CEACAM21: variants seen among roughly 807,000 people sequenced by gnomAD.
CEACAM21 encodes CEA cell adhesion molecule 21, also known as cell adhesion molecule CEACAM21.
A neutral mutation model predicts 33.2 loss-of-function variants in CEACAM21; 38 were observed. The observed-to-expected ratio is 1.14, with a 90% CI of 0.88 to 1.50. The LOEUF (loss-of-function observed/expected upper bound fraction) is 1.50. CEACAM21 is among the 40% of genes most tolerant of loss of function. CEACAM21 has a pLI of 0.00. For synonymous variants in CEACAM21, 156 were observed against 143.0 expected (o/e 1.09, Z -0.65); for missense variants, 385 against 364.6 (o/e 1.06, Z -0.46).
intron 2 of CEACAM21, among the ~76,000 whole-genome samples, chr19:41,565,399 T>C (rs1165930232): frequency 6.6e-6 from 1 of 152,166 alleles, no homozygotes; most frequent in East Asian, 1.9e-4. Context: ...GAGCCAGTCC[T>C]TACCCTGAAG....
At chr19:41,576,477 C>T (rs1168813676) in intron 1 of CEACAM21, 139 bp downstream of exon 1, 26 of 891,006 alleles carry the variant, frequency 2.9e-5, no homozygotes, top group Non-Finnish European at 4.1e-5. Context: ...TAAGGAGAAC[C>T]AAAAAATCTA....
At chr19:41,551,540 G>A (rs2041197624) in intron 1 of CEACAM21, 2 of 152,286 alleles carry the variant, frequency 1.3e-5, no homozygotes, top group South Asian at 4.2e-4. Context: ...TCTCAATATG[G>A]AGAGAACCCG....
chr19:41,586,681 C>T lies in CEACAM21; in HGVS notation c.*218C>T, dbSNP rs2070755521. 2.3e-6 allele frequency: 1 copy of T among 442,976 alleles called. No individual in the cohort carries two copies. The highest frequency in any genetic ancestry group is 2.0e-5 in the African/African-American group (1 of 48,912). The allele number at this position is 442,976 out of a possible 1,614,324, so 27.4% of individuals were successfully genotyped here. A position where few individuals can be genotyped will look rare whatever the true frequency, so the allele number is the denominator to read the frequency against. On this transcript the variant is annotated 3_prime_UTR_variant, in exon 7 of 7. Coordinates refer to ENST00000401445, the MANE Select transcript of CEACAM21 (RefSeq NM_001098506.4). ...GGACAGGAAGGGATGGGGGTCCCTG[C>T]TGAATATATAGAGACCTCAACAGAC...
At chr19:41,584,324 T>C (rs1459265561) in intron 3 of CEACAM21, 23 bp from the exon 4 acceptor site, 2 of 1,597,496 alleles carry the variant, frequency 1.3e-6, no homozygotes, top group East Asian at 2.2e-5. Flanking sequence ...TTGGACCTCA[T>C]CCCCTTTGCC....
chr19:41,549,925 C>T (rs1260469096), intron 1 of CEACAM21, among the ~76,000 whole-genome samples: 4 of 152,096 alleles, frequency 2.6e-5, no homozygotes, highest in African/African-American at 9.7e-5. Flanking sequence ...CATGGACTTG[C>T]TTATTTCCTT....
At chr19:41,559,304 C>CAGA (rs1406906168) in intron 1 of CEACAM21, among the ~76,000 whole-genome samples, 3 of 152,130 alleles carry the variant, frequency 2.0e-5, no homozygotes, top group Non-Finnish European at 4.4e-5. Context: ...TTAGAAACAA[C>CAGA]ATTTCAAATA....
chr19:41,577,976 G>A (rs1354407925), intron 2 of CEACAM21, among the ~76,000 whole-genome samples: 1 of 152,182 alleles, frequency 6.6e-6, no homozygotes, highest in Non-Finnish European at 1.5e-5. Context: ...AGATGACCCT[G>A]GGGAGCCTGT....
At chr19:41,560,914 C>A (rs1361805852) in intron 1 of CEACAM21, among the ~76,000 whole-genome samples, 1 of 152,100 alleles carries the variant, frequency 6.6e-6, no homozygotes, top group African/African-American at 2.4e-5. Context: ...TCACCATCCC[C>A]ACTTTATGAG....
chr19:41,563,373 C>T (rs2122181559), intron 1 of CEACAM21, among the ~76,000 whole-genome samples: 1 of 152,340 alleles, frequency 6.6e-6, no homozygotes, highest in East Asian at 1.9e-4. Context: ...CCTGTCTGGG[C>T]TGTTCCTCGG....
chr19:41,566,660 G>A (rs2042284814), intron 2 of CEACAM21, among the ~76,000 whole-genome samples: 1 of 152,178 alleles, frequency 6.6e-6, no homozygotes, highest in South Asian at 2.1e-4. Context: ...TGCTATAACA[G>A]CTTCTGAAAA....
intron 1 of CEACAM21, chr19:41,550,595 AC>A (rs2041147216): frequency 6.6e-6 from 1 of 152,098 alleles, no homozygotes; most frequent in African/African-American, 2.4e-5. Context: ...ATGCGGTGAA[AC>A]CCCATCTCTA....
At chr19:41,557,997 A>G (rs782486354) in intron 1 of CEACAM21, among the ~76,000 whole-genome samples, 10 of 152,210 alleles carry the variant, frequency 6.6e-5, no homozygotes, top group Non-Finnish European at 1.3e-4. Context: ...CCATGCCAAG[A>G]GTTTCGTCTG....
chr19:41,583,073 A>G (rs2043537953), intron 3 of CEACAM21, among the ~76,000 whole-genome samples: 1 of 152,224 alleles, frequency 6.6e-6, no homozygotes, highest in African/African-American at 2.4e-5. Context: ...GAGTGTTTTT[A>G]ACAGTACCCA....
chr19:41,577,469 G>A lies in CEACAM21; in HGVS notation c.334G>A (p.Val112Ile), dbSNP rs782508071. The A allele has an allele frequency of 3.4e-5, 55 of 1,613,232 alleles. No individual in the cohort carries two copies. The South Asian group carries it at 3.5e-4, about 10-fold the overall frequency. Reference protein sequence around the residue: ...SPSGDLHFQNVTLEDTGYYNL... With the variant: ...SPSGDLHFQNITLEDTGYYNL... ...CAGTGGAGATCTGCATTTCCAGAAC[G>A]TCACCCTAGAGGACACGGGATACTA... The change falls in exon 2 of 7, where the codon GTC becomes ATC. Residue 112 changes from valine to isoleucine, a missense_variant. Coordinates refer to ENST00000401445, the MANE Select transcript of CEACAM21 (RefSeq NM_001098506.4).
chr19:41,571,274 T>C (rs1555789452), upstream of CEACAM21, among the ~76,000 whole-genome samples: 1 of 152,242 alleles, frequency 6.6e-6, no homozygotes, highest in African/African-American at 2.4e-5. Context: ...TAGAAACTTA[T>C]ATCTTCAATA....
chr19:41,568,415 G>C lies in CEACAM21; in HGVS notation c.-404+3359G>C, dbSNP rs368744057. On this transcript the variant is annotated intron_variant, in intron 2 of 7. Transcript: ENST00000407170. Reference sequence around the variant, plus strand: ...TTCTTCTAGTAGTTTCATAGTTTCAGTTCTTACATTTAAGTCTTTATTTAA... The same window carrying C: ...TTCTTCTAGTAGTTTCATAGTTTCACTTCTTACATTTAAGTCTTTATTTAA... Among the ~76,000 whole-genome samples the C allele has an allele frequency of 2.6e-5, 4 of 152,192 alleles. 1 individual carries two copies. Among genetic ancestry groups the C allele is most frequent in the African/African-American group, 9.6e-5 (4 of 41,516 alleles).
At chr19:41,580,017 T>C (rs889915672) in intron 3 of CEACAM21, among the ~76,000 whole-genome samples, 1 of 152,218 alleles carries the variant, frequency 6.6e-6, no homozygotes, top group Non-Finnish European at 1.5e-5. Context: ...ACTTTGTTGT[T>C]ATTAGCTGTT....
intron 1 of CEACAM21, among the ~76,000 whole-genome samples, chr19:41,558,344 C>T (rs1458986794): frequency 2.0e-5 from 3 of 152,094 alleles, no homozygotes; most frequent in Non-Finnish European, 4.4e-5. Context: ...TCTATTACAT[C>T]TCCTTATAAT....
chr19:41,575,037 G>A (rs1399292561), upstream of CEACAM21, among the ~76,000 whole-genome samples: 1 of 152,134 alleles, frequency 6.6e-6, no homozygotes, highest in Non-Finnish European at 1.5e-5. Flanking sequence ...TATATGCTAC[G>A]ACGTGGATGA....
Sources: allele counts gnomAD v4.1 joint callset (sites outside exome capture counted in the v4.1 genomes callset), GRCh38; gene constraint gnomAD v4.1.1; transcripts MANE v1.5; gene names NCBI Gene and HGNC (gene_info 2026-07-23, HGNC 2026-07-21).